The following KCNN3 variants were observed in gnomAD, a reference collection of about 807,000 sequenced individuals.
KCNN3 encodes the protein potassium calcium-activated channel subfamily N member 3.
A neutral mutation model predicts 62.9 loss-of-function variants in KCNN3; 16 were observed. The observed-to-expected ratio is 0.25, with a 90% confidence interval of 0.17 to 0.39. The LOEUF (loss-of-function observed/expected upper bound fraction) is 0.39, where lower values mean the gene tolerates loss of function less well. KCNN3 is among the 10% of genes least tolerant of loss of function. The probability of loss-of-function intolerance (pLI) is 1.00; values close to 1 mark genes in which losing one functional copy is unlikely to be tolerated. For synonymous variants in KCNN3, 370 were observed against 389.2 expected, an observed-to-expected ratio of 0.95 and a Z score of 0.58; for missense variants, 599 against 949.4, an observed-to-expected ratio of 0.63 and a Z score of 4.85.
At chr1:154,863,267 G>A (rs1156291086) in intron 1 of KCNN3, among the ~76,000 whole-genome samples, 1 of 152,064 alleles carries the variant, frequency 6.6e-6, no homozygotes, top group African/African-American at 2.4e-5. Flanking sequence ...CGCCTCCTCC[G>A]GACTTTCCTC....
chr1:154,723,487 G>T (rs533847828), intron 5 of KCNN3, among the ~76,000 whole-genome samples: 1 of 152,306 alleles, frequency 6.6e-6, no homozygotes, highest in Non-Finnish European at 1.5e-5. Context: ...AATCATTTTT[G>T]AAAGATTAAA....
intron 2 of KCNN3, among the ~76,000 whole-genome samples, chr1:154,792,405 C>A (rs975856215): frequency 2.3e-4 from 35 of 152,248 alleles, no homozygotes; most frequent in African/African-American, 7.5e-4. Flanking sequence ...ACAGGTGGGA[C>A]TTGTCCTCCC....
At chr1:154,828,070 C>A (rs1377796795) in intron 1 of KCNN3, among the ~76,000 whole-genome samples, 4 of 152,122 alleles carry the variant, frequency 2.6e-5, no homozygotes, top group African/African-American at 9.7e-5. Flanking sequence ...GGACCTCTGA[C>A]CAGCCTGAGA....
At chr1:154,732,864 T>C in intron 4 of KCNN3, 139 bp downstream of exon 4, 1 of 826,316 alleles carries the variant, frequency 1.2e-6, no homozygotes. Flanking sequence ...ATTTTATGTG[T>C]AGGGGACACA....
chr1:154,714,494 A>T (rs199787387), intron 6 of KCNN3, among the ~76,000 whole-genome samples: 28 of 2,024 alleles, frequency 0.014, no homozygotes, highest in Admixed American at 0.026. Flanking sequence ...GGTTTGTGTG[A>T]GGTGTGTGTG....
chr1:154,813,190 A>G (rs974357111), intron 2 of KCNN3, among the ~76,000 whole-genome samples: 1 of 148,122 alleles, frequency 6.8e-6, no homozygotes, highest in Non-Finnish European at 1.5e-5. Flanking sequence ...CCCCTTGGGC[A>G]GGGCAGTTGT....
chr1:154,760,588 T>C (rs1353277051), intron 3 of KCNN3, among the ~76,000 whole-genome samples: 1 of 152,102 alleles, frequency 6.6e-6, no homozygotes. Context: ...CACCTGGCCC[T>C]CCCTGCGCCC....
intron 6 of KCNN3, among the ~76,000 whole-genome samples, chr1:154,714,601 G>A (rs1384731996): frequency 6.6e-5 from 2 of 30,494 alleles, no homozygotes; most frequent in African/African-American, 9.2e-5. Context: ...TGTGTGTGAT[G>A]TGTGGTGTGT....
chr1:154,741,444 A>C (rs563500808), intron 3 of KCNN3, among the ~76,000 whole-genome samples: 1 of 152,292 alleles, frequency 6.6e-6, no homozygotes, highest in Non-Finnish European at 1.5e-5. Flanking sequence ...CTGTCCCTCT[A>C]CAAAAGTGAG....
chr1:154,835,982 T>C (rs1651566814), intron 1 of KCNN3, among the ~76,000 whole-genome samples: 1 of 152,198 alleles, frequency 6.6e-6, no homozygotes, highest in South Asian at 2.1e-4. Flanking sequence ...AGTGGTCAGA[T>C]AGCCCCATGG....
chr1:154,712,826 T>C (rs1321092531), intron 7 of KCNN3, among the ~76,000 whole-genome samples: 1 of 152,156 alleles, frequency 6.6e-6, no homozygotes, highest in Non-Finnish European at 1.5e-5. Flanking sequence ...ACAGTATTTA[T>C]GGCAGCTCAG....
At chr1:154,857,072 A>G (rs1454550719) in intron 1 of KCNN3, among the ~76,000 whole-genome samples, 1 of 152,114 alleles carries the variant, frequency 6.6e-6, no homozygotes, top group East Asian at 1.9e-4. Context: ...TGCCTCCCCC[A>G]CCAGCCTGTG....
chr1:154,783,008 T>C (rs981439832), intron 2 of KCNN3, among the ~76,000 whole-genome samples: 11 of 152,032 alleles, frequency 7.2e-5, no homozygotes, highest in African/African-American at 1.9e-4. Flanking sequence ...GTCAGGAGAT[T>C]GAGAACATCC....
chr1:154,766,895 A>T (rs900416879), intron 3 of KCNN3, among the ~76,000 whole-genome samples: 6 of 151,680 alleles, frequency 4.0e-5, no homozygotes, highest in African/African-American at 1.5e-4. Flanking sequence ...GTTAGCCAGG[A>T]TGGTCTCGAT....
At chr1:154,828,853 G>A (rs1185938474) in intron 1 of KCNN3, among the ~76,000 whole-genome samples, 1 of 152,224 alleles carries the variant, frequency 6.6e-6, no homozygotes, top group Non-Finnish European at 1.5e-5. Flanking sequence ...TTTTATGGCT[G>A]CAATAATTTA....
chr1:154,723,205 A>G (rs550204251), intron 5 of KCNN3, among the ~76,000 whole-genome samples: 152 of 152,342 alleles, frequency 1.0e-3, no homozygotes, highest in African/African-American at 3.4e-3. Flanking sequence ...TTTCATTTCA[A>G]TTAAGGTTAT....
intron 1 of KCNN3, among the ~76,000 whole-genome samples, chr1:154,864,934 G>A (rs750187036): frequency 2.0e-5 from 3 of 152,120 alleles, no homozygotes; most frequent in Non-Finnish European, 4.4e-5. Context: ...TGCCACACCA[G>A]CACTCTCCAG....
intron 2 of KCNN3, among the ~76,000 whole-genome samples, chr1:154,788,452 A>G (rs1017026882): frequency 2.0e-5 from 3 of 152,214 alleles, no homozygotes; most frequent in Admixed American, 1.3e-4. Flanking sequence ...AGTTTCTCAA[A>G]CTTATTTGAC....
chr1:154,848,817 C>T (rs1418501567), intron 1 of KCNN3, among the ~76,000 whole-genome samples: 2 of 152,184 alleles, frequency 1.3e-5, no homozygotes, highest in African/African-American at 2.4e-5. Context: ...AGGCCCTTAA[C>T]GGGATGCAGA....
Sources: allele counts gnomAD v4.1 joint callset (sites outside exome capture counted in the v4.1 genomes callset), GRCh38; gene constraint gnomAD v4.1.1; transcripts MANE v1.5; gene names NCBI Gene and HGNC (gene_info 2026-07-23, HGNC 2026-07-21).